Variants in NDUFA3 observed in about 807,000 individuals in gnomAD.
NDUFA3 encodes NADH dehydrogenase [ubiquinone] 1 alpha subcomplex subunit 3.
In NDUFA3, 10 loss-of-function variants were observed where a neutral mutation model predicts 11.4. The ratio of observed to expected loss-of-function variants is 0.87; its 90% confidence interval spans 0.54 to 1.48. NDUFA3 has a LOEUF of 1.48. Ranked by LOEUF, NDUFA3 falls within the 40% of genes most tolerant of loss-of-function variation. The probability of loss-of-function intolerance (pLI) is 0.00; values close to 1 mark genes in which losing one functional copy is unlikely to be tolerated. For synonymous variants in NDUFA3, 39 were observed against 46.9 expected, an observed-to-expected ratio of 0.83 and a Z score of 0.68; for missense variants, 115 against 110.5, an observed-to-expected ratio of 1.04 and a Z score of -0.18.
Position 54,103,144 on chromosome 19 carries a change from A to G in NDUFA3, c.41A>G (p.Asp14Gly), listed in dbSNP as rs763445834. The change falls in exon 2 of 4, where the codon GAC becomes GGC. Residue 14 changes from aspartate to glycine, a missense_variant. Transcript: ENST00000485876. The stretch of plus-strand genomic sequence containing the variant: ...GGCGCCTTCCTCAAGAATGCCTGGG[A>G]CAAGGAGCCAGTGCTGGTCGTGTCC... The part of the protein sequence containing the change: ...RVGAFLKNAW[D>G]KEPVLVVSFV... The G allele has an allele frequency of 1.9e-6, 3 of 1,611,368 alleles. No homozygotes were observed. The South Asian group carries it at 3.3e-5, about 18-fold the overall frequency.
At chr19:54,106,626 C>T (rs1053116614) in intron 3 of NDUFA3, 185 bp from the exon 4 acceptor site, 12 of 520,716 alleles carry the variant, frequency 2.3e-5, no homozygotes, top group Admixed American at 7.5e-5. Flanking sequence ...CTCGCTATCT[C>T]TCTGGTTTTC....
chr19:54,104,493 C>T (rs1248541742), intron 2 of NDUFA3, among the ~76,000 whole-genome samples: 1 of 152,022 alleles, frequency 6.6e-6, no homozygotes, highest in Non-Finnish European at 1.5e-5. Flanking sequence ...TTGAAGAGTT[C>T]CCAGGTCTTG....
chr19:54,104,728 G>T (rs1324262828), intron 2 of NDUFA3, among the ~76,000 whole-genome samples: 1 of 112,262 alleles, frequency 8.9e-6, no homozygotes, highest in African/African-American at 3.2e-5. Context: ...ATGTACTATG[G>T]TTTTTTTTGT....
In NDUFA3 at chr19:54,102,898, G is replaced by C; in HGVS notation, c.10+10G>C. The stretch of plus-strand genomic sequence containing the variant: ...ACAAAGATGGCTGCGAGTAAGTGCA[G>C]GTGCCGGTGGCGCACGGGGCTCGGG... On this transcript the variant is annotated intron_variant, in intron 1 of 3. Transcript: ENST00000485876. The C allele has an allele frequency of 6.2e-7, 1 of 1,610,172 alleles. No individual in the cohort carries two copies. Among genetic ancestry groups the C allele is most frequent in the South Asian group, 1.1e-5 (1 of 90,636 alleles).
At chr19:54,103,281 C>T in intron 2 of NDUFA3, 93 bp downstream of exon 2, 3 of 1,310,638 alleles carry the variant, frequency 2.3e-6, no homozygotes, top group Non-Finnish European at 3.1e-6. Flanking sequence ...TCGCCGCCCT[C>T]GGGTCCCCTC....
chr19:54,105,954 A>G lies in NDUFA3; in HGVS notation c.106A>G (p.Ser36Gly), dbSNP rs200927530. ...GGLAVILPPL[S>G]PYFKYSVMIN... ...CACAGCTGTAATTCTGCCCCCATTG[A>G]GCCCCTACTTCAAGTACTCCGTCAT... Residue 36 changes from serine (S) to glycine (G), a missense_variant, in exon 3 of 4, where the codon AGC becomes GGC. Ser to Gly is a moderately conservative substitution (Grantham distance 56, BLOSUM62 0). Transcript: ENST00000485876. The G allele has an allele frequency of 3.1e-6, 5 of 1,613,384 alleles. No homozygotes were observed. The African/African-American group carries it at 4.0e-5, about 13-fold the overall frequency.
In NDUFA3 at chr19:54,106,827, T is replaced by C. The variant is rs2073275903; in HGVS notation, c.180T>C (p.Asp60=). 6.2e-7 allele frequency: 1 copy of C among 1,613,102 alleles called. No homozygotes were observed. The highest frequency in any genetic ancestry group is 8.5e-7 in the Non-Finnish European group (1 of 1,179,722). Residue 60 remains aspartate, a synonymous_variant, in exon 4 of 4, where the codon GAT becomes GAC. Coordinates refer to ENST00000485876, the MANE Select transcript of NDUFA3 (RefSeq NM_004542.4). ...PYNYPVPVRD[D]GNMPDVPSHP... ...GCCCCACAGTGCCCGTCCGTGATGA[T>C]GGGAACATGCCCGACGTGCCCAGCC...
At chr19:54,104,239 G>A (rs1413278711) in intron 2 of NDUFA3, among the ~76,000 whole-genome samples, 3 of 149,720 alleles carry the variant, frequency 2.0e-5, no homozygotes, top group African/African-American at 7.4e-5. Flanking sequence ...TAGGGTTCAA[G>A]TGATTCTCCT....
chr19:54,102,960 G>A (rs1239761547), intron 1 of NDUFA3, 72 bp downstream of exon 1: 3 of 1,579,440 alleles, frequency 1.9e-6, no homozygotes, highest in Non-Finnish European at 2.6e-6. Flanking sequence ...TGGGACTGAG[G>A]TGCGGCAGGG....
intron 2 of NDUFA3, among the ~76,000 whole-genome samples, chr19:54,104,635 A>C (rs1432211841): frequency 1.3e-5 from 2 of 152,200 alleles, no homozygotes; most frequent in Non-Finnish European, 1.5e-5. Context: ...GGTATAAGAC[A>C]CTGGATTTCA....
At chr19:54,103,720 C>G (rs1253174011) in intron 2 of NDUFA3, among the ~76,000 whole-genome samples, 1 of 152,074 alleles carries the variant, frequency 6.6e-6, no homozygotes, top group African/African-American at 2.4e-5. Flanking sequence ...TCACTCTCAC[C>G]CAGGCTGAAG....
chr19:54,103,152 C>T lies in NDUFA3; in HGVS notation c.49C>T (p.Pro17Ser). 6.2e-7 allele frequency: 1 copy of T among 1,609,112 alleles called. No homozygotes were observed. The highest frequency in any genetic ancestry group is 8.5e-7 in the Non-Finnish European group (1 of 1,176,810). Residue 17 changes from proline (P) to serine (S), a missense_variant, in exon 2 of 4, where the codon CCA (proline) becomes TCA (serine). By Grantham distance (74) the Pro-to-Ser change is moderately conservative (BLOSUM62 -1). Coordinates refer to ENST00000485876, the MANE Select transcript of NDUFA3 (RefSeq NM_004542.4). ...AFLKNAWDKE[P>S]VLVVSFVVGG... ...CCTCAAGAATGCCTGGGACAAGGAG[C>T]CAGTGCTGGTCGTGTCCTTCGTCGT...
At chr19:54,102,986 TG>T (rs1419807602) in intron 1 of NDUFA3, 98 bp downstream of exon 1, 3 of 1,544,694 alleles carry the variant, frequency 1.9e-6, no homozygotes, top group Non-Finnish European at 2.6e-6. Flanking sequence ...GTGGAAGCGA[TG>T]GGGTCCGTGC....
intron 3 of NDUFA3, 146 bp from the exon 4 acceptor site, chr19:54,106,665 C>T (rs1014260928): frequency 1.0e-5 from 6 of 595,732 alleles, no homozygotes; most frequent in Non-Finnish European, 1.7e-5. Flanking sequence ...TATTTCCCGC[C>T]TCTTTCTGCA....
Position 54,102,869 on chromosome 19 carries a change from G to A in NDUFA3, c.-10G>A, listed in dbSNP as rs1201567990. The stretch of plus-strand genomic sequence containing the variant: ...GCGTCCTCGCCGCTGTCGCCGCCGC[G>A]GAGACAAAGATGGCTGCGAGTAAGT... On this transcript the variant is annotated 5_prime_UTR_variant, in exon 1 of 4. Coordinates refer to ENST00000485876, the MANE Select transcript of NDUFA3 (RefSeq NM_004542.4). 9 of 1,609,676 alleles carry A rather than the reference G, an allele frequency of 5.6e-6. No individual in the cohort carries two copies. In the East Asian group the frequency reaches 6.7e-5, roughly 12 times the overall value.
At position 54,106,810 on chromosome 19, in the gene NDUFA3, G is replaced by A; in HGVS notation, c.164-1G>A. The A allele has an allele frequency of 1.9e-6, 3 of 1,608,986 alleles. No homozygotes were observed. Among genetic ancestry groups the A allele is most frequent in the African/African-American group, 1.3e-5 (1 of 74,742 alleles). On this transcript the variant is annotated splice_acceptor_variant, in intron 3 of 3. Transcript: ENST00000485876. LOFTEE classifies it high-confidence loss of function. ...TCAGTGGCCCACCTCCTGCCCCACA[G>A]TGCCCGTCCGTGATGATGGGAACAT...
At chr19:54,104,115 G>A (rs187955143) in intron 2 of NDUFA3, among the ~76,000 whole-genome samples, 5 of 146,696 alleles carry the variant, frequency 3.4e-5, no homozygotes, top group Admixed American at 6.9e-5. Flanking sequence ...TTACAGGCGT[G>A]AGCCACCGCG....
At position 54,105,961 on chromosome 19, in the gene NDUFA3, A is replaced by C. The variant is rs777413103; in HGVS notation, c.113A>C (p.Tyr38Ser). 12 of 1,613,430 alleles carry C rather than the reference A, an allele frequency of 7.4e-6. No individual in the cohort carries two copies. The highest frequency in any genetic ancestry group is 1.3e-5 in the African/African-American group (1 of 74,794). ...LAVILPPLSPYFKYSVMINKA... is the reference protein window; with the variant it reads ...LAVILPPLSPSFKYSVMINKA... ...GTAATTCTGCCCCCATTGAGCCCCTACTTCAAGTACTCCGTCATGATCAAC... is the reference window on the plus strand; with the variant it reads ...GTAATTCTGCCCCCATTGAGCCCCTCCTTCAAGTACTCCGTCATGATCAAC... The change falls in exon 3 of 4, where the codon TAC (tyrosine) becomes TCC (serine). Residue 38 changes from tyrosine (Y) to serine (S), a missense_variant. Tyr to Ser is a moderately radical substitution (Grantham distance 144, BLOSUM62 -2). Transcript: ENST00000485876.
At chr19:54,102,982 G>A in intron 1 of NDUFA3, 94 bp downstream of exon 1, 1 of 1,551,494 alleles carries the variant, frequency 6.4e-7, no homozygotes, top group Non-Finnish European at 8.8e-7. Context: ...AGGGGTGGAA[G>A]CGATGGGGTC....
Sources: gnomAD v4.1 joint callset for allele counts (sites outside exome capture counted in the v4.1 genomes callset) on GRCh38, gnomAD v4.1.1 for gene constraint, MANE v1.5 for transcripts, NCBI Gene and HGNC (gene_info 2026-07-23, HGNC 2026-07-21) for gene names.